The following ORC3 variants were observed in gnomAD, a reference collection of about 807,000 sequenced individuals.
ORC3 encodes origin recognition complex subunit 3, also known as homolog of latheo, Drosophila.
In ORC3, 78 loss-of-function variants were observed where a neutral mutation model predicts 100.7. The observed-to-expected ratio is 0.77, with a 90% confidence interval of 0.65 to 0.94. The LOEUF (loss-of-function observed/expected upper bound fraction) is 0.94. Ranked by LOEUF, ORC3 falls within the 40% of genes least tolerant of loss-of-function variation. The probability of loss-of-function intolerance (pLI) is 0.00; values close to 1 mark genes in which losing one functional copy is unlikely to be tolerated. For missense variants in ORC3, 789 were observed against 823.9 expected (o/e 0.96, Z 0.52); for synonymous variants, 295 against 289.3 (o/e 1.02, Z -0.20).
In ORC3 at chr6:87,591,030, G is replaced by A. The variant is rs1025316960; in HGVS notation, c.24+838G>A. Among the ~76,000 whole-genome samples the A allele has an allele frequency of 4.3e-4, 65 of 152,334 alleles. 1 individual carries two copies. Among genetic ancestry groups the A allele is most frequent in the African/African-American group, 1.6e-3 (65 of 41,574 alleles). ...CCAATGTGTTAGTCACTCACCACAT[G>A]TGGCTATTTAAATTTGAGTTAAAAT... On this transcript the variant is annotated intron_variant, in intron 1 of 19. Coordinates refer to ENST00000392844, the MANE Select transcript of ORC3 (RefSeq NM_012381.4).
At chr6:87,643,179 C>T (rs1768410299) in intron 13 of ORC3, among the ~76,000 whole-genome samples, 1 of 151,706 alleles carries the variant, frequency 6.6e-6, no homozygotes, top group South Asian at 2.1e-4. Flanking sequence ...GAGATATGGC[C>T]TAGCGAGGTG....
rs529192461 is a variant in ORC3 at position 87,622,372 on chromosome 6, A to G, written c.1185+359A>G. Among the ~76,000 whole-genome samples, 7 of 152,266 alleles carry G rather than the reference A, an allele frequency of 4.6e-5. No homozygotes were observed. In the South Asian group the frequency reaches 8.3e-4, roughly 18 times the overall value. ...ATGTTCTTTTTAAAGGCTGTGATAA[A>G]TAAAAGCATTTAGAAGCCAGGCAGC... On this transcript the variant is annotated intron_variant, in intron 11 of 19. Coordinates refer to ENST00000392844, the MANE Select transcript of ORC3 (RefSeq NM_012381.4).
intron 2 of ORC3, among the ~76,000 whole-genome samples, chr6:87,598,658 CTTTTT>C (rs559954997): frequency 7.7e-6 from 1 of 130,464 alleles, no homozygotes; most frequent in Admixed American, 7.7e-5. Context: ...GTTTGCTAGG[CTTTTT>C]TTTTTTTTTC....
intron 11 of ORC3, among the ~76,000 whole-genome samples, chr6:87,625,945 C>A (rs1487593764): frequency 6.6e-6 from 1 of 152,154 alleles, no homozygotes; most frequent in African/African-American, 2.4e-5. Context: ...AATAGGGAAT[C>A]CTTTCTCCAT....
intron 16 of ORC3, among the ~76,000 whole-genome samples, chr6:87,662,286 G>T (rs1051405099): frequency 6.6e-6 from 1 of 152,072 alleles, no homozygotes; most frequent in Admixed American, 6.6e-5. Flanking sequence ...TTAGCCGGGC[G>T]TGTTGGTGGG....
rs534500237 is a variant in ORC3, at chr6:87,637,468, TTTC to T, written c.1382+988_1382+990del. ...TTTAAAATCCCAACAAGATTTCTTT[TTTC>T]TTCTTTTTTTTTACCCATAAGGAAA... On this transcript the variant is annotated intron_variant, in intron 13 of 19. Coordinates refer to ENST00000392844, the MANE Select transcript of ORC3 (RefSeq NM_012381.4). Among the ~76,000 whole-genome samples, 383 of 152,352 alleles carry T rather than the reference TTTC, an allele frequency of 2.5e-3. 1 individual carries two copies. Among genetic ancestry groups the T allele is most frequent in the African/African-American group, 8.1e-3 (338 of 41,580 alleles).
At chr6:87,594,320 T>C (rs765013944) in intron 1 of ORC3, 33 bp from the exon 2 acceptor site, 2 of 1,528,708 alleles carry the variant, frequency 1.3e-6, no homozygotes, top group East Asian at 4.5e-5. Context: ...CTTGGCTACT[T>C]TGACTTTATG....
At chr6:87,593,047 C>T (rs1777156715) in intron 1 of ORC3, among the ~76,000 whole-genome samples, 1 of 152,024 alleles carries the variant, frequency 6.6e-6, no homozygotes, top group Middle Eastern at 3.5e-3. Context: ...GAGCCAGGAT[C>T]GCACCATTGC....
intron 5 of ORC3, among the ~76,000 whole-genome samples, chr6:87,606,590 G>A (rs1167835659): frequency 1.3e-5 from 2 of 151,610 alleles, no homozygotes; most frequent in Admixed American, 6.6e-5. Context: ...TACTACAGTA[G>A]CATGATCATA....
chr6:87,620,240 C>T (rs1779441799), intron 9 of ORC3, among the ~76,000 whole-genome samples: 1 of 152,150 alleles, frequency 6.6e-6, no homozygotes, highest in Non-Finnish European at 1.5e-5. Context: ...GTACTGTTAA[C>T]ATTGGGATAA....
At chr6:87,644,076 GTCCTTTTTTT>G (rs1768515478) in intron 13 of ORC3, among the ~76,000 whole-genome samples, 3 of 99,678 alleles carry the variant, frequency 3.0e-5, no homozygotes, top group South Asian at 6.9e-4. Flanking sequence ...ATGGCTGACT[GTCCTTTTTTT>G]TTTTTTTTTT....
chr6:87,622,437 A>C (rs1779601668), intron 11 of ORC3, among the ~76,000 whole-genome samples: 1 of 152,168 alleles, frequency 6.6e-6, no homozygotes, highest in Admixed American at 6.5e-5. Flanking sequence ...TTTGATTTGA[A>C]GAAATATCAT....
intron 6 of ORC3, 97 bp downstream of exon 6, chr6:87,607,921 A>G (rs1006840222): frequency 4.1e-6 from 3 of 729,614 alleles, no homozygotes; most frequent in Non-Finnish European, 6.5e-6. Flanking sequence ...TAACAAGGAT[A>G]TGTTTCTGCA....
chr6:87,674,801 G>A, the ORC3 span, among the ~76,000 whole-genome samples: 56 of 151,716 alleles, frequency 3.7e-4, 1 homozygote, highest in African/African-American at 1.3e-3. Flanking sequence ...TCAGAACTCA[G>A]TGTTTTGAAA....
At chr6:87,663,457 A>G (rs1246491924) in intron 17 of ORC3, among the ~76,000 whole-genome samples, 1 of 152,240 alleles carries the variant, frequency 6.6e-6, no homozygotes, top group African/African-American at 2.4e-5. Context: ...AATAAAAGAA[A>G]TGTTTCCTGT....
chr6:87,674,594 T>C, the ORC3 span, among the ~76,000 whole-genome samples: 737 of 146,816 alleles, frequency 5.0e-3, 4 homozygotes, highest in Admixed American at 8.6e-3. Flanking sequence ...TGTAACATTC[T>C]ATCAGGCAGT....
chr6:87,601,101 A>G (rs939174792), intron 2 of ORC3, among the ~76,000 whole-genome samples: 2 of 152,222 alleles, frequency 1.3e-5, no homozygotes, highest in Non-Finnish European at 2.9e-5. Flanking sequence ...AAGTCATTCA[A>G]TAGAGGAGAG....
chr6:87,619,811 C>A (rs1394913184), intron 9 of ORC3, among the ~76,000 whole-genome samples: 3 of 152,160 alleles, frequency 2.0e-5, no homozygotes, highest in Non-Finnish European at 4.4e-5. Flanking sequence ...GTGACAGCAT[C>A]TTTAGACCTC....
At chr6:87,613,263 AG>A (rs1778911504) in intron 8 of ORC3, among the ~76,000 whole-genome samples, 1 of 152,204 alleles carries the variant, frequency 6.6e-6, no homozygotes, top group Non-Finnish European at 1.5e-5. Context: ...GAGCTTGTAC[AG>A]GGGAACTCCT....
Sources: allele counts gnomAD v4.1 joint callset (sites outside exome capture counted in the v4.1 genomes callset), GRCh38; gene constraint gnomAD v4.1.1; transcripts MANE v1.5; gene names NCBI Gene and HGNC (gene_info 2026-07-23, HGNC 2026-07-21).